The following RELT variants were observed in gnomAD, a reference collection of about 807,000 sequenced individuals.
The protein encoded by RELT is tumor necrosis factor receptor superfamily member 19L.
A neutral mutation model predicts 51.1 loss-of-function variants in RELT; 37 were observed. That is an observed-to-expected ratio of 0.72 (90% CI 0.56 to 0.95). The LOEUF is 0.95. RELT is among the 40% of genes least tolerant of loss of function. The pLI is 0.00. For missense variants in RELT, 535 were observed against 572.6 expected (o/e 0.93, Z 0.67); for synonymous variants, 241 against 235.7 (o/e 1.02, Z -0.21).
Position 73,392,716 on chromosome 11 carries a change from G to A in RELT, c.625+248G>A, listed in dbSNP as rs375148273. 63 of 1,411,764 alleles carry A rather than the reference G, an allele frequency of 4.5e-5. No individual in the cohort carries two copies. The East Asian group carries it at 1.0e-3, about 23-fold the overall frequency. 87.5% of individuals were successfully genotyped at this position (1,411,764 alleles called of 1,614,324 possible). A position where few individuals can be genotyped will look rare whatever the true frequency, so the allele number is the denominator to read the frequency against. On this transcript the variant is annotated intron_variant, in intron 6 of 10. Transcript: ENST00000064780. ...TGGATCCTACCCTGGGTGAAGCCTT[G>A]CCCAGATGTGGGGATCTGGACTCTT...
rs35329118 is a variant in RELT, at chr11:73,392,323, C to T, written c.480C>T (p.Ala160=). ...GTRAGGPEET[A]AQYAVIAIVP... The stretch of plus-strand genomic sequence containing the variant: ...GGGCAGGTGGCCCAGAGGAGACAGC[C>T]GCCCAGTACGCGGTCATCGCCATCG... Residue 160 remains alanine (A), a synonymous_variant, in exon 6 of 11, where the codon GCC becomes GCT. Transcript: ENST00000064780. 3,061 of 1,613,638 alleles carry T rather than the reference C, an allele frequency of 1.9e-3. 5 individuals carry two copies. The highest frequency in any genetic ancestry group is 4.1e-3 in the Middle Eastern group (25 of 6,062).
At chr11:73,386,282 A>C (rs1228302347) in intron 1 of RELT, among the ~76,000 whole-genome samples, 1 of 152,156 alleles carries the variant, frequency 6.6e-6, no homozygotes, top group African/African-American at 2.4e-5. Context: ...TCTGTCAGGC[A>C]TCGGAGGCTC....
At position 73,382,318 on chromosome 11, in the gene RELT, T is replaced by C. The variant is rs897388656; in HGVS notation, c.-26+5819T>C. ...TCCCCCAAGTCCCTCCCAAAGCCTC[T>C]GCCCAGGTCTTCCAGGTCAGGGTGA... On this transcript the variant is annotated intron_variant, in intron 1 of 10. Coordinates refer to ENST00000064780, the MANE Select transcript of RELT (RefSeq NM_152222.2). Among the ~76,000 whole-genome samples the C allele has an allele frequency of 1.4e-4, 21 of 152,234 alleles. 1 individual carries two copies. Among genetic ancestry groups the C allele is most frequent in the African/African-American group, 4.8e-4 (20 of 41,450 alleles).
intron 1 of RELT, among the ~76,000 whole-genome samples, chr11:73,381,807 A>G (rs1468250855): frequency 1.3e-5 from 2 of 152,144 alleles, no homozygotes; most frequent in African/African-American, 4.8e-5. Context: ...GGGCTGGGAC[A>G]TGGGCACCCA....
At position 73,393,567 on chromosome 11, in the gene RELT, C is replaced by G. The variant is rs560218779; in HGVS notation, c.626-270C>G. 520 of 1,423,962 alleles carry G rather than the reference C, an allele frequency of 3.7e-4. 2 individuals carry two copies. In the African/African-American group the frequency reaches 6.6e-3, roughly 18 times the overall value. The allele number at this position is 1,423,962 out of a possible 1,614,324, so 88.2% of individuals were successfully genotyped here. On this transcript the variant is annotated intron_variant, in intron 6 of 10. Coordinates refer to ENST00000064780, the MANE Select transcript of RELT (RefSeq NM_152222.2). ...CTGACGCACCGCCCCCTCGCCCGCC[C>G]AATTCAATGACTGGAGTTCACGTGG...
intron 1 of RELT, among the ~76,000 whole-genome samples, chr11:73,387,251 C>T (rs1866138637): frequency 6.6e-6 from 1 of 152,130 alleles, no homozygotes; most frequent in Admixed American, 6.5e-5. Flanking sequence ...CACAGCCTGC[C>T]CCCACCCCCA....
intron 1 of RELT, among the ~76,000 whole-genome samples, chr11:73,377,869 A>G (rs1441457905): frequency 6.6e-6 from 1 of 151,984 alleles, no homozygotes; most frequent in African/African-American, 2.4e-5. Flanking sequence ...TCCTGGGGAC[A>G]CAGCGGCCCA....
At chr11:73,385,486 G>A (rs116911523) in intron 1 of RELT, among the ~76,000 whole-genome samples, 2,253 of 152,254 alleles carry the variant, frequency 0.015, 40 homozygotes, top group Non-Finnish European at 0.017. Flanking sequence ...GGAGAGCTGA[G>A]TCTGAGGAAA....
In RELT at chr11:73,388,678, CG is replaced by C. The variant is rs1470636364; in HGVS notation, c.-25-428del. ...TGCTTGCAGACCTGTGAGGAGGAGG[CG>C]GGGGGAGCCTGAGCCTGGAGCGCTG... On this transcript the variant is annotated intron_variant, in intron 1 of 10. Transcript: ENST00000064780. This position sits in a 1 kb window ranked among gnomAD's most constrained non-coding sequence, Gnocchi z 4.1. Among the ~76,000 whole-genome samples, 1 of 152,166 alleles carries C rather than the reference CG, an allele frequency of 6.6e-6. No homozygotes were observed. The highest frequency in any genetic ancestry group is 1.5e-5 in the Non-Finnish European group (1 of 68,014).
chr11:73,386,637 A>G (rs1322009098), intron 1 of RELT, among the ~76,000 whole-genome samples: 5 of 152,212 alleles, frequency 3.3e-5, no homozygotes, highest in African/African-American at 4.8e-5. Context: ...GGCAGTGTCT[A>G]TGCGTGTGCT....
Position 73,397,253 on chromosome 11 carries a change from C to T in RELT, c.*1762C>T, listed in dbSNP as rs1866333859. The T allele has an allele frequency of 6.6e-6, 1 of 152,208 alleles. No individual in the cohort carries two copies. The highest frequency in any genetic ancestry group is 2.4e-5 in the African/African-American group (1 of 41,450). 9.4% of individuals were successfully genotyped at this position (152,208 alleles called of 1,614,324 possible). On this transcript the variant is annotated 3_prime_UTR_variant, in exon 11 of 11. Coordinates refer to ENST00000064780, the MANE Select transcript of RELT (RefSeq NM_152222.2). ...CTGAGCACCAACACATAGTGGTCACCTGGGCCTTATGCCCAGGGAGCCTCC... is the reference window on the plus strand; with the variant it reads ...CTGAGCACCAACACATAGTGGTCACTTGGGCCTTATGCCCAGGGAGCCTCC...
intron 1 of RELT, 150 bp downstream of exon 1, chr11:73,376,649 C>T (rs1014059263): frequency 2.6e-5 from 4 of 152,004 alleles, no homozygotes; most frequent in Admixed American, 6.5e-5. Context: ...CGCGCCCCCC[C>T]ACCCCACTCC....
intron 1 of RELT, among the ~76,000 whole-genome samples, chr11:73,383,590 A>C (rs958551804): frequency 5.3e-5 from 8 of 152,206 alleles, no homozygotes; most frequent in African/African-American, 1.9e-4. Flanking sequence ...AAGGACATTT[A>C]CTATGTGCCA....
intron 1 of RELT, among the ~76,000 whole-genome samples, chr11:73,386,511 C>A (rs1470769085): frequency 6.6e-6 from 1 of 152,178 alleles, no homozygotes; most frequent in Admixed American, 6.5e-5. Context: ...CCTGACCGGG[C>A]AAGTCCAGTG....
At chr11:73,391,078 C>T in intron 4 of RELT, 66 bp from the exon 5 acceptor site, 2 of 1,552,462 alleles carry the variant, frequency 1.3e-6, no homozygotes, top group Non-Finnish European at 1.8e-6. Flanking sequence ...GGAAGGAATC[C>T]AGCCTCTCCT....
Position 73,390,568 on chromosome 11 carries a change from C to T in RELT, c.63C>T (p.Leu21=), listed in dbSNP as rs1157148734. Residue 21 remains leucine (L), a synonymous_variant, in exon 3 of 11, where the codon CTC becomes CTT. Transcript: ENST00000064780. The stretch of plus-strand genomic sequence containing the variant: ...TCTTCTAGCTGCTGCCCTGGCCTCT[C>T]GCCACCCTGACATCAACAACCCTTT... ...SCFLMLLPWP[L]ATLTSTTLWQ... 10 of 1,613,948 alleles carry T rather than the reference C, an allele frequency of 6.2e-6. No homozygotes were observed. Among genetic ancestry groups the T allele is most frequent in the South Asian group, 2.2e-5 (2 of 91,078 alleles).
intron 1 of RELT, among the ~76,000 whole-genome samples, chr11:73,380,422 C>T (rs1425775504): frequency 1.3e-5 from 2 of 152,188 alleles, no homozygotes; most frequent in Non-Finnish European, 2.9e-5. Context: ...AGGCAACTGT[C>T]CCTGCTCAGG....
rs369117500 is a variant in RELT, at chr11:73,377,269, A to AGTGTGTGT, written c.-26+787_-26+794dup. On this transcript the variant is annotated intron_variant, in intron 1 of 10. Transcript: ENST00000064780. ...TGTGCGTGTGGGGTCAAGTGGTGTC[A>AGTGTGTGT]GTGTGTGTGTGTGTGTGTGTGTGTC... 6.5e-3 allele frequency among the ~76,000 whole-genome samples: 943 copies of AGTGTGTGT among 146,170 alleles called. 11 individuals carry two copies. The highest frequency in any genetic ancestry group is 0.023 in the African/African-American group (865 of 38,040).
Position 73,389,125 on chromosome 11 carries a change from A to G in RELT, c.-12A>G, listed in dbSNP as rs1480247909. 7 of 1,546,426 alleles carry G rather than the reference A, an allele frequency of 4.5e-6. No individual in the cohort carries two copies. The highest frequency in any genetic ancestry group is 6.1e-6 in the Non-Finnish European group (7 of 1,145,468). ...CATCTGCCCTAGGCCGGCGACCACC[A>G]GGGGCCTGAGGATGAAGCCAAGTCT... On this transcript the variant is annotated 5_prime_UTR_variant, in exon 2 of 11. Transcript: ENST00000064780.
Sources: gnomAD v4.1 joint callset for allele counts (sites outside exome capture counted in the v4.1 genomes callset) on GRCh38, gnomAD v4.1.1 for gene constraint, Gnocchi (gnomAD v3.1) non-coding constraint, MANE v1.5 for transcripts, NCBI Gene and HGNC (gene_info 2026-07-23, HGNC 2026-07-21) for gene names.